PAX3: variants seen among roughly 807,000 people sequenced by gnomAD.
PAX3 encodes the protein paired box 3.
A neutral mutation model predicts 51.6 loss-of-function variants in PAX3; 14 were observed. That is an observed-to-expected ratio of 0.27 (90% CI 0.18 to 0.42). The LOEUF is 0.42. Among genes scored for constraint, PAX3 ranks in the 10% least tolerant of loss-of-function variants. PAX3 has a pLI of 1.00. For missense variants in PAX3, 540 were observed against 642.8 expected, an observed-to-expected ratio of 0.84 and a Z score of 1.73; for synonymous variants, 280 against 253.4, an observed-to-expected ratio of 1.11 and a Z score of -1.00.
chr2:222,242,332 C>A (rs1243057503), intron 4 of PAX3: 1 of 152,104 alleles, frequency 6.6e-6, no homozygotes, highest in African/African-American at 2.4e-5. Flanking sequence ...ACAAAATTAA[C>A]TTAATAATAG....
At chr2:222,232,004 T>A (rs901232128) in intron 5 of PAX3, 74 bp downstream of exon 5, 2 of 1,367,330 alleles carry the variant, frequency 1.5e-6, no homozygotes, top group Non-Finnish European at 2.1e-6. Context: ...GATTGACATA[T>A]GTTTTAGATG....
rs777079383 is a variant in PAX3, at chr2:222,232,246, G to A, written c.624C>T (p.Asp208=). ...APQSDEGSDI[D]SEPDLPLKRK... ...TCTTTAGTGGTAAATCTGGTTCAGAGTCAATATCAGAGCCTTCATCTGATT... is the reference window on the plus strand; with the variant it reads ...TCTTTAGTGGTAAATCTGGTTCAGAATCAATATCAGAGCCTTCATCTGATT... The change falls in exon 5 of 9, where the codon GAC becomes GAT. Residue 208 remains aspartate (D), a synonymous_variant. Coordinates refer to ENST00000392070, the MANE Select transcript of PAX3 (RefSeq NM_181458.4). 2 of 1,614,054 alleles carry A rather than the reference G, an allele frequency of 1.2e-6. No homozygotes were observed. The highest frequency in any genetic ancestry group is 8.5e-7 in the Non-Finnish European group (1 of 1,179,964).
At chr2:222,294,012 CTTTCAGTTCCA>C (rs1167312016) in intron 4 of PAX3, 144 bp downstream of exon 4, 37 of 1,545,336 alleles carry the variant, frequency 2.4e-5, no homozygotes, top group African/African-American at 4.1e-5. Flanking sequence ...TCCCTCTGGT[CTTTCAGTTCCA>C]TGTCGTTACT....
intron 7 of PAX3, among the ~76,000 whole-genome samples, chr2:222,205,944 A>G (rs1347521562): frequency 6.6e-6 from 1 of 152,176 alleles, no homozygotes; most frequent in Non-Finnish European, 1.5e-5. Flanking sequence ...ATGGTTATGG[A>G]ATGTCTTCCA....
chr2:222,201,817 CAA>C (rs368725878), intron 8 of PAX3, 125 bp downstream of exon 8: 1,327 of 1,431,934 alleles, frequency 9.3e-4, no homozygotes, highest in Admixed American at 3.8e-3. Context: ...GCTGGCTTTG[CAA>C]AAAAAAAAAA....
chr2:222,288,824 C>T (rs989193616), intron 4 of PAX3, among the ~76,000 whole-genome samples: 1 of 152,174 alleles, frequency 6.6e-6, no homozygotes. Flanking sequence ...GTCAATTCCT[C>T]CTTAGAGATT....
intron 4 of PAX3, among the ~76,000 whole-genome samples, chr2:222,247,175 G>A (rs45621637): frequency 0.025 from 3,870 of 152,112 alleles, 120 homozygotes; most frequent in Non-Finnish European, 0.031. Context: ...TCCTATTCAG[G>A]CCTCAATGAA....
intron 7 of PAX3, among the ~76,000 whole-genome samples, chr2:222,215,930 G>T (rs1415983210): frequency 2.6e-5 from 4 of 152,140 alleles, no homozygotes; most frequent in Non-Finnish European, 4.4e-5. Context: ...TCTCCAAAAA[G>T]GTTATGCAGT....
At chr2:222,231,136 G>A (rs1692577837) in intron 5 of PAX3, among the ~76,000 whole-genome samples, 1 of 152,140 alleles carries the variant, frequency 6.6e-6, no homozygotes, top group Non-Finnish European at 1.5e-5. Context: ...TTCTGTAATA[G>A]GAGAGTTAAT....
rs770281300 is a variant in PAX3 at position 222,293,761 on chromosome 2, A to G, written c.586+406T>C. 5 of 1,614,094 alleles carry G rather than the reference A, an allele frequency of 3.1e-6. No individual in the cohort carries two copies. The Admixed American group carries it at 8.3e-5, about 27-fold the overall frequency. The stretch of plus-strand genomic sequence containing the variant: ...ACTCCGGAGACCAGGGCCTTTCCTG[A>G]GGGCATAAAAGCTACTTCAACTTCT... On this transcript the variant is annotated intron_variant, in intron 4 of 8. Transcript: ENST00000392070.
chr2:222,231,324 T>A (rs1310300950), intron 5 of PAX3, among the ~76,000 whole-genome samples: 2 of 152,230 alleles, frequency 1.3e-5, no homozygotes, highest in African/African-American at 4.8e-5. Flanking sequence ...TCTGCCATCT[T>A]TCAAACACTG....
At chr2:222,292,791 G>C (rs1695091471) in intron 4 of PAX3, among the ~76,000 whole-genome samples, 1 of 152,180 alleles carries the variant, frequency 6.6e-6, no homozygotes, top group Non-Finnish European at 1.5e-5. Flanking sequence ...GTCCATAGGA[G>C]GCCTCTGTCA....
Position 222,291,180 on chromosome 2 carries a change from G to T in PAX3, c.586+2987C>A, listed in dbSNP as rs535416885. 7.2e-5 allele frequency among the ~76,000 whole-genome samples: 11 copies of T among 152,304 alleles called. No homozygotes were observed. The East Asian group carries it at 1.9e-3, about 27-fold the overall frequency. Reference sequence around the variant, plus strand: ...GAACAGAGGCGCCCATTGAGCGGCCGCTGCGCAGGGCGGTGCCCACAGCCC... The same window carrying T: ...GAACAGAGGCGCCCATTGAGCGGCCTCTGCGCAGGGCGGTGCCCACAGCCC... On this transcript the variant is annotated intron_variant, in intron 4 of 8. Coordinates refer to ENST00000392070, the MANE Select transcript of PAX3 (RefSeq NM_181458.4).
At chr2:222,205,849 G>A (rs558045070) in intron 7 of PAX3, among the ~76,000 whole-genome samples, 116 of 152,044 alleles carry the variant, frequency 7.6e-4, no homozygotes, top group Non-Finnish European at 1.4e-3. Context: ...GCTATTTTGC[G>A]TTTCATGTGG....
At chr2:222,221,634 A>G in intron 5 of PAX3, 1 of 463,550 alleles carries the variant, frequency 2.2e-6, no homozygotes, top group Non-Finnish European at 4.0e-6. Flanking sequence ...GAACCTTATG[A>G]GGACCATGGG....
At chr2:222,293,599 C>T in intron 4 of PAX3, 31 of 1,606,068 alleles carry the variant, frequency 1.9e-5, no homozygotes, top group Non-Finnish European at 2.6e-5. Context: ...TAAACCCCCT[C>T]ACATTTGAAA....
chr2:222,243,528 T>A (rs574328551), intron 4 of PAX3, among the ~76,000 whole-genome samples: 1 of 152,244 alleles, frequency 6.6e-6, no homozygotes, highest in Non-Finnish European at 1.5e-5. Flanking sequence ...TCAGTGTACA[T>A]AGGAGTTAAT....
intron 4 of PAX3, among the ~76,000 whole-genome samples, chr2:222,292,293 T>C (rs1371235745): frequency 6.6e-6 from 1 of 152,230 alleles, no homozygotes; most frequent in Non-Finnish European, 1.5e-5. Context: ...CCTTGAATTA[T>C]AAAAAGGTTG....
chr2:222,215,995 C>T (rs1289881812), intron 7 of PAX3, among the ~76,000 whole-genome samples: 1 of 152,176 alleles, frequency 6.6e-6, no homozygotes, highest in South Asian at 2.1e-4. Flanking sequence ...CCTGTCTCCA[C>T]CCTCTCACGC....
Sources: allele counts gnomAD v4.1 joint callset (sites outside exome capture counted in the v4.1 genomes callset), GRCh38; gene constraint gnomAD v4.1.1; transcripts MANE v1.5; gene names NCBI Gene and HGNC (gene_info 2026-07-23, HGNC 2026-07-21).